SLC7A6OS: variants seen among roughly 807,000 people sequenced by gnomAD.
SLC7A6OS encodes the protein solute carrier family 7 member 6 opposite strand, also known as probable RNA polymerase II nuclear localization protein SLC7A6OS.
SLC7A6OS carries 22 observed loss-of-function variants against 34.3 expected under a neutral mutation model. That is an observed-to-expected ratio of 0.64 (90% confidence interval 0.46 to 0.92). The LOEUF is 0.92. Among genes scored for constraint, SLC7A6OS ranks in the 40% least tolerant of loss-of-function variants. The probability of loss-of-function intolerance (pLI) is 0.00; values close to 1 mark genes in which losing one functional copy is unlikely to be tolerated. For synonymous variants in SLC7A6OS, 199 were observed against 165.0 expected (o/e 1.21, Z -1.58); for missense variants, 434 against 407.7 (o/e 1.06, Z -0.56).
rs201990110 is a variant in SLC7A6OS at position 68,310,874 on chromosome 16, T to A, written c.53A>T (p.Glu18Val). The A allele has an allele frequency of 1.2e-6, 2 of 1,609,334 alleles. No homozygotes were observed. ...AGCGAGCACAAGAGCCTCCGCCGGC[T>A]CCGCACTGCGCTTCCGCTTCACCCG... Reference protein sequence around the residue: ...VLRVKRKRSAEPAEALVLACK... With the variant: ...VLRVKRKRSAVPAEALVLACK... Residue 18 changes from glutamate to valine, a missense_variant, in exon 1 of 5, where the codon GAG becomes GTG. Physicochemically the swap from Glu to Val is moderately radical, Grantham distance 121 (BLOSUM62 -2). Transcript: ENST00000263997.
intron 2 of SLC7A6OS, among the ~76,000 whole-genome samples, chr16:68,308,822 G>A (rs1200318480): frequency 6.6e-6 from 1 of 152,020 alleles, no homozygotes; most frequent in Non-Finnish European, 1.5e-5. Flanking sequence ...GGAGGTTGAG[G>A]CGGGCGGATC....
intron 2 of SLC7A6OS, 122 bp downstream of exon 2, chr16:68,310,213 T>A: frequency 8.9e-7 from 1 of 1,120,410 alleles, no homozygotes; most frequent in East Asian, 2.6e-5. Flanking sequence ...ATCTGTAAAA[T>A]GAGGCCGTCA....
In SLC7A6OS at chr16:68,310,784, C is replaced by G; in HGVS notation, c.143G>C (p.Arg48Thr). ...GTGGAAGACATTATTCTCCGCCGCT[C>G]TCTCCAAACCCTCCGACGTCTTCTG... ...AAQKTSEGLE[R>T]AAENNVFHLV... The change falls in exon 1 of 5, where the codon AGA becomes ACA. Residue 48 changes from arginine (R) to threonine (T), a missense_variant. By Grantham distance (71) the Arg-to-Thr change is moderately conservative. Coordinates refer to ENST00000263997, the MANE Select transcript of SLC7A6OS (RefSeq NM_032178.3). The G allele has an allele frequency of 1.9e-6, 3 of 1,613,712 alleles. No individual in the cohort carries two copies. Among genetic ancestry groups the G allele is most frequent in the Non-Finnish European group, 2.5e-6 (3 of 1,179,790 alleles).
rs768216042 is a variant in SLC7A6OS at position 68,310,474 on chromosome 16, G to A, written c.332C>T (p.Ser111Phe). 2.5e-6 allele frequency: 4 copies of A among 1,597,852 alleles called. No homozygotes were observed. The highest frequency in any genetic ancestry group is 1.3e-5 in the African/African-American group (1 of 74,616). ...CTGGCCGCTCGAGGTGGTCCCCAAG[G>A]ATCGGCGGCTGGAAAGCACCCGGTA... ...GRYRVLSSRR[S>F]LGTTSSGQES... Residue 111 changes from serine (S) to phenylalanine (F), a missense_variant, in exon 2 of 5, where the codon TCC (serine) becomes TTC (phenylalanine). Coordinates refer to ENST00000263997, the MANE Select transcript of SLC7A6OS (RefSeq NM_032178.3).
At chr16:68,309,321 G>A (rs4783616) in intron 2 of SLC7A6OS, among the ~76,000 whole-genome samples, 79,751 of 151,796 alleles carry the variant, frequency 0.53, 21,393 homozygotes, top group East Asian at 0.78. Context: ...GGCCTCAAGC[G>A]ACCCTCCTGC....
chr16:68,301,347 C>A lies in SLC7A6OS; in HGVS notation c.858G>T (p.Met286Ile), dbSNP rs772884292. 1.9e-6 allele frequency: 3 copies of A among 1,614,192 alleles called. No homozygotes were observed. The South Asian group carries it at 3.3e-5, about 18-fold the overall frequency. Reference sequence around the variant, plus strand: ...GCACATCCAGAGGGTACTTGCTCCACATCCGCTGTCTGCTGCTGCCTCTTT... The same window carrying A: ...GCACATCCAGAGGGTACTTGCTCCAAATCCGCTGTCTGCTGCTGCCTCTTT... ...EEERGSSRQR[M>I]WSKYPLDVQK... The change falls in exon 5 of 5, where the codon ATG becomes ATT. Residue 286 changes from methionine (M) to isoleucine (I), a missense_variant. Transcript: ENST00000263997.
Position 68,299,768 on chromosome 16 carries a change from A to G in SLC7A6OS, c.*1507T>C, listed in dbSNP as rs2043237001. On this transcript the variant is annotated 3_prime_UTR_variant, in exon 5 of 5. Coordinates refer to ENST00000263997, the MANE Select transcript of SLC7A6OS (RefSeq NM_032178.3). The stretch of plus-strand genomic sequence containing the variant: ...GAAAGCAAGATGTCTAATATTAGAC[A>G]TACAAGTTGCTGCCTGTTATAACGG... 1 of 152,222 alleles carries G rather than the reference A, an allele frequency of 6.6e-6. No homozygotes were observed. Among genetic ancestry groups the G allele is most frequent in the African/African-American group, 2.4e-5 (1 of 41,448 alleles). 9.4% of individuals were successfully genotyped at this position (152,222 alleles called of 1,614,324 possible). A position where few individuals can be genotyped will look rare whatever the true frequency, so the allele number is the denominator to read the frequency against.
rs1374506054 is a variant in SLC7A6OS, at chr16:68,309,494, C to T, written c.471+841G>A. On this transcript the variant is annotated intron_variant, in intron 2 of 4. Coordinates refer to ENST00000263997, the MANE Select transcript of SLC7A6OS (RefSeq NM_032178.3). Reference sequence around the variant, plus strand: ...TGATCCTCCCGCCTGGGCCTCCCTACGTGCTAGGATTAGGCGTCAGCTACT... The same window carrying T: ...TGATCCTCCCGCCTGGGCCTCCCTATGTGCTAGGATTAGGCGTCAGCTACT... Among the ~76,000 whole-genome samples, 6 of 152,176 alleles carry T rather than the reference C, an allele frequency of 3.9e-5. No homozygotes were observed. The East Asian group carries it at 7.7e-4, about 20-fold the overall frequency.
At chr16:68,303,944 T>A (rs2043306845) in intron 3 of SLC7A6OS, 82 bp downstream of exon 3, 1 of 1,267,262 alleles carries the variant, frequency 7.9e-7, no homozygotes, top group Non-Finnish European at 1.1e-6. Context: ...TGTTCGGGAG[T>A]GGAGCCCAGG....
Sources: allele counts gnomAD v4.1 joint callset (sites outside exome capture counted in the v4.1 genomes callset), GRCh38; gene constraint gnomAD v4.1.1; transcripts MANE v1.5; gene names NCBI Gene and HGNC (gene_info 2026-07-23, HGNC 2026-07-21).